MORC4: variants seen among roughly 807,000 people sequenced by gnomAD.
MORC4 encodes MORC family CW-type zinc finger 4.
In MORC4, 22 loss-of-function variants were observed where a neutral mutation model predicts 65.5. The observed-to-expected ratio is 0.34, with a 90% CI of 0.24 to 0.48. The LOEUF is 0.48. Among genes scored for constraint, MORC4 ranks in the 20% least tolerant of loss-of-function variants. The pLI is 0.99. For synonymous variants in MORC4, 267 were observed against 255.8 expected, an observed-to-expected ratio of 1.04 and a Z score of -0.42; for missense variants, 624 against 703.0, an observed-to-expected ratio of 0.89 and a Z score of 1.27.
rs773808072 is a variant in MORC4 at position 106,942,249 on chromosome X, G to A, written c.2377-28C>T. On this transcript the variant is annotated intron_variant, in intron 15 of 16. Transcript: ENST00000355610. Reference sequence around the variant, plus strand: ...GCAGTCCAAGAAACAGAAATTCAATGACCCCACAAAAGAGCACGCCAAAAA... The same window carrying A: ...GCAGTCCAAGAAACAGAAATTCAATAACCCCACAAAAGAGCACGCCAAAAA... 17 of 1,186,703 alleles carry A rather than the reference G, an allele frequency of 1.4e-5. No individual in the cohort carries two copies. In the South Asian group the frequency reaches 3.0e-4, roughly 21 times the overall value.
At chrX:106,999,579 C>A in intron 2 of MORC4, 98 bp downstream of exon 2, 2 of 852,446 alleles carry the variant, frequency 2.3e-6, no homozygotes. Context: ...CAGCCCCGGC[C>A]CGCCCCGCGC....
chrX:106,947,480 C>G (rs1324283069), intron 14 of MORC4, among the ~76,000 whole-genome samples: 6 of 100,686 alleles, frequency 6.0e-5, no homozygotes, highest in Non-Finnish European at 1.2e-4. Flanking sequence ...CTATTTCTCT[C>G]TACAATTCTG....
intron 9 of MORC4, among the ~76,000 whole-genome samples, chrX:106,970,311 T>C (rs1934478491): frequency 8.9e-6 from 1 of 112,204 alleles, no homozygotes; most frequent in African/African-American, 3.2e-5. Context: ...AAACTAGGTA[T>C]TGATGGAACC....
intron 14 of MORC4, among the ~76,000 whole-genome samples, chrX:106,943,764 T>A (rs1933759587): frequency 8.9e-6 from 1 of 112,707 alleles, no homozygotes; most frequent in Non-Finnish European, 1.9e-5. Flanking sequence ...TTGTAAAAGT[T>A]AATTGAATCA....
At chrX:106,994,639 A>C (rs1369086594) in intron 2 of MORC4, among the ~76,000 whole-genome samples, 6 of 112,478 alleles carry the variant, frequency 5.3e-5, no homozygotes, top group African/African-American at 1.9e-4. Flanking sequence ...AACACAGATT[A>C]ATTTCAAGGG....
chrX:106,985,593 T>C (rs1934853341), intron 4 of MORC4, among the ~76,000 whole-genome samples: 1 of 110,985 alleles, frequency 9.0e-6, no homozygotes, highest in Non-Finnish European at 1.9e-5. Flanking sequence ...TGTGCAGATA[T>C]AGGGAAATGA....
At chrX:106,971,660 A>C (rs943550677) in intron 9 of MORC4, among the ~76,000 whole-genome samples, 2 of 112,548 alleles carry the variant, frequency 1.8e-5, no homozygotes, top group African/African-American at 6.5e-5. Flanking sequence ...GGCAAAGCAT[A>C]TGAACAGACA....
chrX:106,962,500 T>G (rs1934273939), intron 9 of MORC4, among the ~76,000 whole-genome samples: 1 of 112,253 alleles, frequency 8.9e-6, no homozygotes, highest in African/African-American at 3.2e-5. Context: ...GATTGTCAGA[T>G]GACTACAGGT....
chrX:106,942,150 G>C lies in MORC4; in HGVS notation c.2448C>G (p.Ile816Met), dbSNP rs147139519. ...EFKKVQHELV[I>M]YSTQEAEGLY... ...AGCCTTCCGCCTCCTGGGTACTGTA[G>C]ATCACCAATTCATGTTGGACTTTCT... Residue 816 changes from isoleucine (I) to methionine (M), a missense_variant, in exon 16 of 17, where the codon ATC becomes ATG. Coordinates refer to ENST00000355610, the MANE Select transcript of MORC4 (RefSeq NM_024657.5). The C allele has an allele frequency of 1.7e-6, 2 of 1,211,049 alleles. No individual in the cohort carries two copies. The highest frequency in any genetic ancestry group is 3.5e-5 in the South Asian group (2 of 56,908).
At position 106,942,141 on chromosome X, in the gene MORC4, G is replaced by A. The variant is rs1286100554; in HGVS notation, c.2457C>T (p.Thr819=). The A allele has an allele frequency of 8.3e-7, 1 of 1,208,848 alleles. No individual in the cohort carries two copies. Among genetic ancestry groups the A allele is most frequent in the Non-Finnish European group, 1.1e-6 (1 of 894,736 alleles). Reference sequence around the variant, plus strand: ...TCCAGTACAAGCCTTCCGCCTCCTGGGTACTGTAGATCACCAATTCATGTT... The same window carrying A: ...TCCAGTACAAGCCTTCCGCCTCCTGAGTACTGTAGATCACCAATTCATGTT... ...KVQHELVIYS[T]QEAEGLYWSK... is the part of the protein sequence containing the mutation. Residue 819 remains threonine, a synonymous_variant, in exon 16 of 17, where the codon ACC becomes ACT. Transcript: ENST00000355610.
intron 9 of MORC4, among the ~76,000 whole-genome samples, chrX:106,966,290 A>T (rs1449826823): frequency 1.8e-5 from 2 of 112,149 alleles, no homozygotes; most frequent in African/African-American, 6.5e-5. Flanking sequence ...CACACAAACT[A>T]CTCTTTGAAA....
At chrX:106,981,122 G>T in intron 6 of MORC4, 103 bp from the exon 7 acceptor site, 1 of 1,037,704 alleles carries the variant, frequency 9.6e-7, no homozygotes, top group Non-Finnish European at 1.3e-6. Context: ...GCTGGGCAAA[G>T]ATTTGGCTCA....
chrX:106,992,491 G>A (rs1038780747), intron 3 of MORC4, among the ~76,000 whole-genome samples: 8 of 112,354 alleles, frequency 7.1e-5, no homozygotes, highest in African/African-American at 2.3e-4. Context: ...AGTGATATGC[G>A]GAGATGATAT....
At chrX:106,982,730 G>T (rs1278973056) in intron 5 of MORC4, among the ~76,000 whole-genome samples, 3 of 111,873 alleles carry the variant, frequency 2.7e-5, no homozygotes, top group Non-Finnish European at 5.6e-5. Context: ...CTCCCAAAGG[G>T]CTGGGATTAG....
At position 106,982,929 on chromosome X, in the gene MORC4, C is replaced by T. The variant is rs1412122226; in HGVS notation, c.675-1452G>A. On this transcript the variant is annotated intron_variant, in intron 5 of 16. Coordinates refer to ENST00000355610, the MANE Select transcript of MORC4 (RefSeq NM_024657.5). ...TCAGCTTTTCCCAAATTTGTTTGAC[C>T]ATGTAATCCTTTATTTATACAGGTT... 2.7e-5 allele frequency among the ~76,000 whole-genome samples: 3 copies of T among 111,977 alleles called. No individual in the cohort carries two copies. In the East Asian group the frequency reaches 8.3e-4, roughly 31 times the overall value.
chrX:106,971,944 T>C (rs1934523360), intron 9 of MORC4, among the ~76,000 whole-genome samples: 1 of 111,791 alleles, frequency 8.9e-6, no homozygotes, highest in South Asian at 3.8e-4. Flanking sequence ...GAAATACCAT[T>C]TGACCCAGCA....
chrX:106,999,439 C>T (rs1438008049), intron 2 of MORC4, among the ~76,000 whole-genome samples: 5 of 111,890 alleles, frequency 4.5e-5, no homozygotes, highest in Non-Finnish European at 7.5e-5. Flanking sequence ...AGAGAAAAAC[C>T]ACACTGGTGT....
chrX:106,973,879 C>T (rs1322677819), intron 9 of MORC4, among the ~76,000 whole-genome samples: 1 of 111,839 alleles, frequency 8.9e-6, no homozygotes, highest in African/African-American at 3.3e-5. Flanking sequence ...GCCCTGCCAA[C>T]ACCTCGATTA....
intron 9 of MORC4, among the ~76,000 whole-genome samples, chrX:106,964,712 T>G (rs933251376): frequency 8.9e-6 from 1 of 111,845 alleles, no homozygotes; most frequent in Non-Finnish European, 1.9e-5. Flanking sequence ...GAGAATACAT[T>G]TAAAAGAAAA....
Sources: allele counts gnomAD v4.1 joint callset (sites outside exome capture counted in the v4.1 genomes callset), GRCh38; gene constraint gnomAD v4.1.1; transcripts MANE v1.5; gene names NCBI Gene and HGNC (gene_info 2026-07-23, HGNC 2026-07-21).